The following KCNJ10 variants were observed in gnomAD, a reference collection of about 807,000 sequenced individuals.
KCNJ10 encodes the protein potassium inwardly rectifying channel subfamily J member 10, also known as ATP-sensitive inward rectifier potassium channel 10.
A neutral mutation model predicts 22.2 loss-of-function variants in KCNJ10; 9 were observed. The ratio of observed to expected loss-of-function variants is 0.40; its 90% CI spans 0.24 to 0.71. The LOEUF (loss-of-function observed/expected upper bound fraction) is 0.71. Among genes scored for constraint, KCNJ10 ranks in the 30% least tolerant of loss-of-function variants. KCNJ10 has a pLI of 0.35. For missense variants in KCNJ10, 337 were observed against 482.7 expected (o/e 0.70, Z 2.83); for synonymous variants, 184 against 187.3 (o/e 0.98, Z 0.15).
chr1:160,041,495 A>G lies in KCNJ10; in HGVS notation c.1038T>C (p.Thr346=), dbSNP rs1648604093. The G allele has an allele frequency of 6.2e-7, 1 of 1,614,208 alleles. No individual in the cohort carries two copies. Among genetic ancestry groups the G allele is most frequent in the South Asian group, 1.1e-5 (1 of 91,082 alleles). The stretch of plus-strand genomic sequence containing the variant: ...GCTTTTCAGGGTCTCCGTAGCGTAC[A>G]GTGCTGTCACGGAGGCCACTAGGAG... ...VASPSGLRDS[T]VRYGDPEKLK... The change falls in exon 2 of 2, where the codon ACT becomes ACC. Residue 346 remains threonine, a synonymous_variant. Coordinates refer to ENST00000644903, the MANE Select transcript of KCNJ10 (RefSeq NM_002241.5). This position sits in a 1 kb window ranked among gnomAD's most constrained non-coding sequence, Gnocchi z 4.4.
chr1:160,059,268 G>A (rs1649125740), intron 1 of KCNJ10, among the ~76,000 whole-genome samples: 1 of 152,184 alleles, frequency 6.6e-6, no homozygotes. Flanking sequence ...ATGCTGGGAA[G>A]TCCTCTATGG....
intron 1 of KCNJ10, among the ~76,000 whole-genome samples, chr1:160,056,699 C>A (rs1649043638): frequency 6.6e-6 from 1 of 152,150 alleles, no homozygotes; most frequent in African/African-American, 2.4e-5. Flanking sequence ...ATTTTAGTCA[C>A]CTTTGTAAGC....
chr1:160,055,754 TC>T (rs1230094207), intron 1 of KCNJ10, among the ~76,000 whole-genome samples: 1 of 152,166 alleles, frequency 6.6e-6, no homozygotes, highest in Non-Finnish European at 1.5e-5. Context: ...TTACTTTGGA[TC>T]ATCTCTCTTG....
In KCNJ10 at chr1:160,053,115, C is replaced by T. The variant is rs1044573509; in HGVS notation, c.1-10583G>A. Among the ~76,000 whole-genome samples the T allele has an allele frequency of 2.6e-5, 4 of 152,198 alleles. No homozygotes were observed. The South Asian group carries it at 6.2e-4, about 24-fold the overall frequency. On this transcript the variant is annotated intron_variant, in intron 1 of 1. Transcript: ENST00000644903. The stretch of plus-strand genomic sequence containing the variant: ...TGCGAGGTCAGTCTGGGAGGTGCTA[C>T]GTTAGAGGATGATTAGGGTCACTTC...
chr1:160,060,541 G>A (rs1391375287), intron 1 of KCNJ10, among the ~76,000 whole-genome samples: 1 of 152,152 alleles, frequency 6.6e-6, no homozygotes, highest in African/African-American at 2.4e-5. Flanking sequence ...TTTGATGGGA[G>A]GAAACATCAT....
intron 1 of KCNJ10, among the ~76,000 whole-genome samples, chr1:160,062,056 A>T (rs954689939): frequency 1.3e-5 from 2 of 151,668 alleles, no homozygotes; most frequent in African/African-American, 4.8e-5. Flanking sequence ...GGCCTCAGAG[A>T]ACCTGCATTC....
chr1:160,040,216 T>A lies in KCNJ10; in HGVS notation c.*1177A>T. On this transcript the variant is annotated 3_prime_UTR_variant, in exon 2 of 2. Transcript: ENST00000644903. ...GTGGCTGCCAGCCACAGAGTTCTGC[T>A]CCTGCCCAAACCTTAACAAAGCATC... The A allele has an allele frequency of 3.6e-6, 1 of 274,788 alleles. No individual in the cohort carries two copies. The highest frequency in any genetic ancestry group is 5.3e-5 in the Admixed American group (1 of 18,916). The allele number at this position is 274,788 out of a possible 1,614,324, so 17.0% of individuals were successfully genotyped here. A position where few individuals can be genotyped will look rare whatever the true frequency, so the allele number is the denominator to read the frequency against.
Position 160,041,461 on chromosome 1 carries a change from C to G in KCNJ10, c.1072G>C (p.Glu358Gln). 1 of 1,614,158 alleles carries G rather than the reference C, an allele frequency of 6.2e-7. No homozygotes were observed. Residue 358 changes from glutamate (E) to glutamine (Q), a missense_variant, in exon 2 of 2, where the codon GAG becomes CAG. Physicochemically the swap from Glu to Gln is conservative, Grantham distance 29. Coordinates refer to ENST00000644903, the MANE Select transcript of KCNJ10 (RefSeq NM_002241.5). This position sits in a 1 kb window ranked among gnomAD's most constrained non-coding sequence, Gnocchi z 4.4. Reference protein sequence around the residue: ...RYGDPEKLKLEESLREQAEKE... With the variant: ...RYGDPEKLKLQESLREQAEKE... The stretch of plus-strand genomic sequence containing the variant: ...TCAGCTTGCTCCCTTAATGACTCCT[C>G]CAACTTGAGCTTTTCAGGGTCTCCG...
At position 160,041,369 on chromosome 1, in the gene KCNJ10, G is replaced by T; in HGVS notation, c.*24C>A. The T allele has an allele frequency of 6.2e-7, 1 of 1,606,794 alleles. No individual in the cohort carries two copies. On this transcript the variant is annotated 3_prime_UTR_variant, in exon 2 of 2. Coordinates refer to ENST00000644903, the MANE Select transcript of KCNJ10 (RefSeq NM_002241.5). This position sits in a 1 kb window ranked among gnomAD's most constrained non-coding sequence, Gnocchi z 4.4. The stretch of plus-strand genomic sequence containing the variant: ...TGGAAGAGAGGAAAAGAGACCAGAG[G>T]AATGGGGGAGTGGGAACAGGTCATC...
Position 160,037,781 on chromosome 1 carries a change from C to T in KCNJ10, c.*3612G>A, listed in dbSNP as rs1041725572. On this transcript the variant is annotated 3_prime_UTR_variant, in exon 2 of 2. Transcript: ENST00000644903. ...TCCTGGACTTGTAGCAATAGTATAA[C>T]TGGCTTTCTTTCTCTGCTCAGACCT... 1 of 152,272 alleles carries T rather than the reference C, an allele frequency of 6.6e-6. No individual in the cohort carries two copies. The highest frequency in any genetic ancestry group is 1.5e-5 in the Non-Finnish European group (1 of 68,114). The allele number at this position is 152,272 out of a possible 1,614,324, so 9.4% of individuals were successfully genotyped here.
chr1:160,060,903 G>C (rs1477709550), intron 1 of KCNJ10, among the ~76,000 whole-genome samples: 1 of 152,156 alleles, frequency 6.6e-6, no homozygotes, highest in Non-Finnish European at 1.5e-5. Flanking sequence ...AGCTAAGAAG[G>C]CTGTGGGGTT....
intron 1 of KCNJ10, among the ~76,000 whole-genome samples, chr1:160,050,525 C>T (rs1370432137): frequency 2.6e-5 from 4 of 152,046 alleles, no homozygotes; most frequent in African/African-American, 4.8e-5. Context: ...AGATTCTTTC[C>T]GTGAAGACCT....
chr1:160,064,626 T>C (rs556335536), intron 1 of KCNJ10: 2 of 152,332 alleles, frequency 1.3e-5, no homozygotes, highest in South Asian at 4.1e-4. Flanking sequence ...TTCAGTAACT[T>C]TTTAGAATGT....
At chr1:160,052,343 A>C (rs528014374) in intron 1 of KCNJ10, among the ~76,000 whole-genome samples, 2 of 152,306 alleles carry the variant, frequency 1.3e-5, no homozygotes, top group Admixed American at 1.3e-4. Context: ...CTGTCCTACT[A>C]TCTGTCCATC....
chr1:160,059,878 C>A (rs910776143), intron 1 of KCNJ10, among the ~76,000 whole-genome samples: 5 of 152,150 alleles, frequency 3.3e-5, no homozygotes, highest in Admixed American at 3.3e-4. Flanking sequence ...CCCCTTATGC[C>A]CAGGGAATTC....
Position 160,039,491 on chromosome 1 carries a change from C to T in KCNJ10, c.*1902G>A, listed in dbSNP as rs182896549. 22 of 151,956 alleles carry T rather than the reference C, an allele frequency of 1.4e-4. No homozygotes were observed. Among genetic ancestry groups the T allele is most frequent in the African/African-American group, 4.8e-4 (20 of 41,426 alleles). 9.4% of individuals were successfully genotyped at this position (151,956 alleles called of 1,614,324 possible). A position where few individuals can be genotyped will look rare whatever the true frequency, so the allele number is the denominator to read the frequency against. On this transcript the variant is annotated 3_prime_UTR_variant, in exon 2 of 2. Transcript: ENST00000644903. ...GTCTAATGTTGAATAAAGTTGAGAACGCAGAAGCTGGCTCTTGGCCTTCTG... is the reference window on the plus strand; with the variant it reads ...GTCTAATGTTGAATAAAGTTGAGAATGCAGAAGCTGGCTCTTGGCCTTCTG...
In KCNJ10 at chr1:160,042,451, G is replaced by A. The variant is rs780870986; in HGVS notation, c.82C>T (p.Arg28Trp). ...RPLMGPGIRR[R>W]RVLTKDGRSN... ...CGACCATCTTTTGTCAGGACTCTCC[G>A]CCGTCGTATCCCTGGGCCCATTAGG... Residue 28 changes from arginine (R) to tryptophan (W), a missense_variant, in exon 2 of 2, where the codon CGG (arginine) becomes TGG (tryptophan). By Grantham distance (101) the Arg-to-Trp change is moderately radical. This residue lies in a region of KCNJ10 where 107 missense variants were observed against 135.2 expected (regional missense o/e 0.79). Coordinates refer to ENST00000644903, the MANE Select transcript of KCNJ10 (RefSeq NM_002241.5). The A allele has an allele frequency of 3.1e-6, 5 of 1,614,048 alleles. No individual in the cohort carries two copies. Among genetic ancestry groups the A allele is most frequent in the East Asian group, 2.2e-5 (1 of 44,898 alleles).
intron 1 of KCNJ10, among the ~76,000 whole-genome samples, chr1:160,049,678 TATA>T (rs1557970333): frequency 0.011 from 597 of 51,974 alleles, 10 homozygotes; most frequent in African/African-American, 0.03. Context: ...TATTTATTTA[TATA>T]TATATATATA....
chr1:160,054,509 A>G (rs1648977544), intron 1 of KCNJ10, among the ~76,000 whole-genome samples: 1 of 152,234 alleles, frequency 6.6e-6, no homozygotes, highest in South Asian at 2.1e-4. Flanking sequence ...AATGGCATCT[A>G]TAGAAATAAC....
Sources: allele counts gnomAD v4.1 joint callset (sites outside exome capture counted in the v4.1 genomes callset), GRCh38; gene constraint gnomAD v4.1.1; regional missense constraint gnomAD v4.1.1; non-coding constraint Gnocchi (gnomAD v3.1); transcripts MANE v1.5; gene names NCBI Gene and HGNC (gene_info 2026-07-23, HGNC 2026-07-21).